PRKCSH: variants seen among roughly 807,000 people sequenced by gnomAD.
The protein encoded by PRKCSH is PRKCSH beta subunit of glucosidase II, also known as glucosidase 2 subunit beta.
In PRKCSH, 42 loss-of-function variants were observed where a neutral mutation model predicts 79.7. The ratio of observed to expected loss-of-function variants is 0.53; its 90% CI spans 0.41 to 0.68. The LOEUF (loss-of-function observed/expected upper bound fraction) is 0.68, where lower values mean the gene tolerates loss of function less well. PRKCSH is among the 30% of genes least tolerant of loss of function. The pLI, the probability that PRKCSH is intolerant of heterozygous loss-of-function variation, is 0.00. For missense variants in PRKCSH, 686 were observed against 709.0 expected, an observed-to-expected ratio of 0.97 and a Z score of 0.37; for synonymous variants, 325 against 288.2, an observed-to-expected ratio of 1.13 and a Z score of -1.29.
intron 8 of PRKCSH, 157 bp downstream of exon 8, chr19:11,445,630 T>A: frequency 2.7e-6 from 2 of 749,650 alleles, no homozygotes; most frequent in Non-Finnish European, 4.6e-6. Context: ...CTCTTACTCG[T>A]GGATGGCCAG....
intron 7 of PRKCSH, among the ~76,000 whole-genome samples, chr19:11,444,979 GCC>G (rs1421631804): frequency 2.0e-5 from 3 of 152,056 alleles, no homozygotes; most frequent in African/African-American, 7.2e-5. Flanking sequence ...CCCAGAATCT[GCC>G]TCTGCTCCGT....
Position 11,449,106 on chromosome 19 carries a change from C to T in PRKCSH, c.1392C>T (p.His464=), listed in dbSNP as rs200928002. ...GGGGCTCATGGATTGGCCCCGACCA[C>T]GACAAGTTCAGTGCCATGAAGTATG... is the stretch of plus-strand genomic sequence containing the variant. The part of the protein sequence containing the change: ...GTWGSWIGPD[H]DKFSAMKYEQ... The change falls in exon 16 of 18, where the codon CAC becomes CAT. Residue 464 remains histidine, a synonymous_variant. Transcript: ENST00000677123. This position sits in a 1 kb window ranked among gnomAD's most constrained non-coding sequence, Gnocchi z 6.4. 1.0e-4 allele frequency: 161 copies of T among 1,613,608 alleles called. No individual in the cohort carries two copies. Among genetic ancestry groups the T allele is most frequent in the Middle Eastern group, 9.9e-4 (6 of 6,084 alleles).
chr19:11,446,247 G>A (rs765638894), intron 8 of PRKCSH, 25 bp from the exon 9 acceptor site: 1 of 1,611,626 alleles, frequency 6.2e-7, no homozygotes, highest in East Asian at 2.2e-5. Flanking sequence ...CACCCCTCCA[G>A]TCTGCTTCTG....
chr19:11,445,504 T>G lies in PRKCSH; in HGVS notation c.683+31T>G, dbSNP rs373062061. The G allele has an allele frequency of 1.9e-5, 31 of 1,601,348 alleles. No homozygotes were observed. The African/African-American group carries it at 4.2e-4, about 21-fold the overall frequency. On this transcript the variant is annotated intron_variant, in intron 8 of 17. Coordinates refer to ENST00000677123, the MANE Select transcript of PRKCSH (RefSeq NM_001289104.2). ...TGTCCCCTAGTTGGAGCTGCCCACC[T>G]TTCCGTGGGCCTGGGTTTCCCTCCC...
chr19:11,447,314 G>A lies in PRKCSH; in HGVS notation c.850-125G>A, dbSNP rs571317639. On this transcript the variant is annotated intron_variant, in intron 10 of 17. Transcript: ENST00000677123. The surrounding 1 kb of genome is among the most constrained non-coding windows in gnomAD (Gnocchi z 5.6). The stretch of plus-strand genomic sequence containing the variant: ...CCGAGACCCCCCGACCCCAGCTGTC[G>A]GTCCTCCCTGCAGGCCCCGCAGGAG... 1.3e-5 allele frequency: 18 copies of A among 1,336,102 alleles called. No individual in the cohort carries two copies. Among genetic ancestry groups the A allele is most frequent in the South Asian group, 6.2e-5 (5 of 80,740 alleles). 82.8% of individuals were successfully genotyped at this position (1,336,102 alleles called of 1,614,324 possible).
Position 11,436,563 on chromosome 19 carries a change from C to T in PRKCSH, c.196+58C>T. On this transcript the variant is annotated intron_variant, in intron 3 of 17. Transcript: ENST00000677123. The stretch of plus-strand genomic sequence containing the variant: ...TTATTGAACACTGCTCAGTGCCAGG[C>T]CCTGTCTGTGTGACCAAGATACTAC... 2.9e-6 allele frequency: 4 copies of T among 1,373,098 alleles called. No homozygotes were observed. The South Asian group carries it at 3.7e-5, about 13-fold the overall frequency. 85.1% of individuals were successfully genotyped at this position (1,373,098 alleles called of 1,614,324 possible).
intron 5 of PRKCSH, among the ~76,000 whole-genome samples, chr19:11,439,799 T>G (rs557665862): frequency 3.7e-4 from 56 of 151,508 alleles, no homozygotes; most frequent in African/African-American, 1.3e-3. Context: ...ATTTGTATTT[T>G]TAGTAGAGAC....
chr19:11,436,759 TGGA>T, intron 3 of PRKCSH: 2 of 483,016 alleles, frequency 4.1e-6, no homozygotes, highest in Non-Finnish European at 7.6e-6. Context: ...GTGCTGCAGA[TGGA>T]GGGGTCAACA....
rs1199750231 is a variant in PRKCSH at position 11,448,532 on chromosome 19, C to A, written c.1197-8C>A. The A allele has an allele frequency of 6.8e-6, 11 of 1,613,398 alleles. No homozygotes were observed. The highest frequency in any genetic ancestry group is 1.6e-4 in the Middle Eastern group (1 of 6,082). ...GCTGCCCCTTAACCGCTCCGCCTCC[C>A]CTTCCAGGAACCTGGAGCAAGAGAT... On this transcript the variant is annotated splice_region_variant and splice_polypyrimidine_tract_variant and intron_variant, in intron 13 of 17. Coordinates refer to ENST00000677123, the MANE Select transcript of PRKCSH (RefSeq NM_001289104.2). The surrounding 1 kb of genome is among the most constrained non-coding windows in gnomAD (Gnocchi z 4.4).
chr19:11,447,536 AG>A lies in PRKCSH; in HGVS notation c.949del (p.Glu317ArgfsTer75). 6.3e-7 allele frequency: 1 copy of A among 1,591,472 alleles called. No individual in the cohort carries two copies. Among genetic ancestry groups the A allele is most frequent in the Non-Finnish European group, 8.6e-7 (1 of 1,164,914 alleles). ...CCCTCGTCGCCCACAGAGGAGGAGG[AG>A]GAGGAGGAGGAGGAGGAGGAAGAAG... ...PVPSSPTEEE[E>X]EEEEEEEEEA... On this transcript the variant is annotated frameshift_variant, in exon 11 of 18. Coordinates refer to ENST00000677123, the MANE Select transcript of PRKCSH (RefSeq NM_001289104.2). LOFTEE classifies it high-confidence loss of function. This position sits in a 1 kb window ranked among gnomAD's most constrained non-coding sequence, Gnocchi z 5.6.
chr19:11,448,461 A>T lies in PRKCSH; in HGVS notation c.1197-79A>T. 1 of 1,490,754 alleles carries T rather than the reference A, an allele frequency of 6.7e-7. No homozygotes were observed. The highest frequency in any genetic ancestry group is 9.4e-7 in the Non-Finnish European group (1 of 1,069,134). The allele number at this position is 1,490,754 out of a possible 1,614,324, so 92.3% of individuals were successfully genotyped here. A position where few individuals can be genotyped will look rare whatever the true frequency, so the allele number is the denominator to read the frequency against. On this transcript the variant is annotated intron_variant, in intron 13 of 17. Coordinates refer to ENST00000677123, the MANE Select transcript of PRKCSH (RefSeq NM_001289104.2). This position sits in a 1 kb window ranked among gnomAD's most constrained non-coding sequence, Gnocchi z 4.4. ...ACAGCCTGGGCACCATTGCTCAGCC[A>T]GACCCTCCTGTGTCTGTCGTCCTGG...
Position 11,449,801 on chromosome 19 carries a change from C to T in PRKCSH, c.*16+373C>T. ...CCACCTGCCTTGGCCTCCCAAAGTG[C>T]TGGGATTACAGGCATGAGCCACCAC... On this transcript the variant is annotated intron_variant, in intron 17 of 17. Transcript: ENST00000677123. The surrounding 1 kb of genome is among the most constrained non-coding windows in gnomAD (Gnocchi z 6.4). 3.5e-6 allele frequency: 1 copy of T among 289,816 alleles called. No individual in the cohort carries two copies. Among genetic ancestry groups the T allele is most frequent in the South Asian group, 3.6e-5 (1 of 28,132 alleles). The allele number at this position is 289,816 out of a possible 1,614,324, so 18.0% of individuals were successfully genotyped here. A position where few individuals can be genotyped will look rare whatever the true frequency, so the allele number is the denominator to read the frequency against.
Position 11,449,746 on chromosome 19 carries a change from G to C in PRKCSH, c.*16+318G>C. On this transcript the variant is annotated intron_variant, in intron 17 of 17. Coordinates refer to ENST00000677123, the MANE Select transcript of PRKCSH (RefSeq NM_001289104.2). This position sits in a 1 kb window ranked among gnomAD's most constrained non-coding sequence, Gnocchi z 6.4. ...GATGGGGTTTCACCATGTTGGCCTG[G>C]ATGGTCTCGAACTCCTGACCTCAGA... 3 of 379,012 alleles carry C rather than the reference G, an allele frequency of 7.9e-6. No individual in the cohort carries two copies. Among genetic ancestry groups the C allele is most frequent in the Non-Finnish European group, 1.5e-5 (3 of 198,318 alleles). The allele number at this position is 379,012 out of a possible 1,614,324, so 23.5% of individuals were successfully genotyped here.
Position 11,447,444 on chromosome 19 carries a change from G to A in PRKCSH, c.855G>A (p.Leu285=). 1 of 1,613,918 alleles carries A rather than the reference G, an allele frequency of 6.2e-7. No individual in the cohort carries two copies. Among genetic ancestry groups the A allele is most frequent in the Non-Finnish European group, 8.5e-7 (1 of 1,180,008 alleles). ...CCGCACTGCTCACCCGCCAGGCACT[G>A]CCCACCGACCTTCCAGCACCTTCTG... ...AIRDKYRSEA[L]PTDLPAPSAP... Residue 285 remains leucine (L), a synonymous_variant, in exon 11 of 18, where the codon CTG becomes CTA. Coordinates refer to ENST00000677123, the MANE Select transcript of PRKCSH (RefSeq NM_001289104.2). The surrounding 1 kb of genome is among the most constrained non-coding windows in gnomAD (Gnocchi z 5.6).
intron 7 of PRKCSH, among the ~76,000 whole-genome samples, chr19:11,443,340 G>A (rs2144829734): frequency 6.6e-6 from 1 of 152,140 alleles, no homozygotes; most frequent in African/African-American, 2.4e-5. Context: ...GAGGTCAGGA[G>A]ATTGAGACCA....
intron 3 of PRKCSH, chr19:11,436,765 G>C: frequency 6.4e-6 from 3 of 467,658 alleles, no homozygotes; most frequent in Non-Finnish European, 7.9e-6. Flanking sequence ...CAGATGGAGG[G>C]GTCAACACGG....
Position 11,448,003 on chromosome 19 carries a change from T to C in PRKCSH, c.1126+214T>C. Reference sequence around the variant, plus strand: ...TTCTGCCTCCCCAAGGGCCGCAGCTTGTTTGTGTCACTCCTGGCCCCACTC... The same window carrying C: ...TTCTGCCTCCCCAAGGGCCGCAGCTCGTTTGTGTCACTCCTGGCCCCACTC... On this transcript the variant is annotated intron_variant, in intron 12 of 17. Transcript: ENST00000677123. This position sits in a 1 kb window ranked among gnomAD's most constrained non-coding sequence, Gnocchi z 4.4. 1 of 748,798 alleles carries C rather than the reference T, an allele frequency of 1.3e-6. No homozygotes were observed. The highest frequency in any genetic ancestry group is 2.2e-6 in the Non-Finnish European group (1 of 461,054). 46.4% of individuals were successfully genotyped at this position (748,798 alleles called of 1,614,324 possible). A position where few individuals can be genotyped will look rare whatever the true frequency, so the allele number is the denominator to read the frequency against.
intron 7 of PRKCSH, among the ~76,000 whole-genome samples, chr19:11,443,923 C>T (rs893451570): frequency 3.3e-5 from 5 of 152,070 alleles, no homozygotes; most frequent in South Asian, 4.1e-4. Flanking sequence ...TTACAGGCAC[C>T]TGCCACCACA....
rs1970470008 is a variant in PRKCSH at position 11,449,176 on chromosome 19, G to A, written c.1461+1G>A. The A allele has an allele frequency of 6.2e-7, 1 of 1,613,696 alleles. No homozygotes were observed. Among genetic ancestry groups the A allele is most frequent in the Non-Finnish European group, 8.5e-7 (1 of 1,179,992 alleles). On this transcript the variant is annotated splice_donor_variant, in intron 16 of 17. Coordinates refer to ENST00000677123, the MANE Select transcript of PRKCSH (RefSeq NM_001289104.2). LOFTEE classifies it high-confidence loss of function. This position sits in a 1 kb window ranked among gnomAD's most constrained non-coding sequence, Gnocchi z 6.4. ...GCAGGGCCCCAACCGCTCCACCACC[G>A]TGAGTGCCTGCAAGGCAGGGGAGCT...
Sources: allele counts gnomAD v4.1 joint callset (sites outside exome capture counted in the v4.1 genomes callset), GRCh38; gene constraint gnomAD v4.1.1; non-coding constraint Gnocchi (gnomAD v3.1); transcripts MANE v1.5; gene names NCBI Gene and HGNC (gene_info 2026-07-23, HGNC 2026-07-21).